The following UST variants were observed in gnomAD, a reference collection of about 807,000 sequenced individuals.
The protein encoded by UST is uronyl 2-sulfotransferase, also known as chondroitin sulfate 2-O-sulfotransferase.
A neutral mutation model predicts 45.6 loss-of-function variants in UST; 21 were observed. The observed-to-expected ratio is 0.46, with a 90% CI of 0.33 to 0.66. UST has a LOEUF of 0.66. UST is among the 30% of genes least tolerant of loss of function. The pLI, the probability that UST is intolerant of heterozygous loss-of-function variation, is 0.02. For missense variants in UST, 463 were observed against 512.4 expected (o/e 0.90, Z 0.93); for synonymous variants, 215 against 200.6 (o/e 1.07, Z -0.61).
At chr6:149,058,554 A>G (rs1238238986) in intron 7 of UST, among the ~76,000 whole-genome samples, 1 of 152,194 alleles carries the variant, frequency 6.6e-6, no homozygotes, top group African/African-American at 2.4e-5. Context: ...AACTGCTGCA[A>G]TAGTATTTCT....
chr6:148,775,397 T>A (rs1476545518), intron 1 of UST, among the ~76,000 whole-genome samples: 1 of 152,150 alleles, frequency 6.6e-6, no homozygotes, highest in Non-Finnish European at 1.5e-5. Context: ...GGCAGTTTCC[T>A]TTTGCAGATT....
intron 1 of UST, among the ~76,000 whole-genome samples, chr6:148,797,781 G>C (rs1197882952): frequency 2.6e-5 from 4 of 152,174 alleles, no homozygotes; most frequent in Admixed American, 6.5e-5. Flanking sequence ...CAGACAAGAA[G>C]AACAATATGT....
At chr6:149,051,492 T>C (rs189898814) in intron 7 of UST, among the ~76,000 whole-genome samples, 113 of 152,382 alleles carry the variant, frequency 7.4e-4, no homozygotes, top group Admixed American at 1.2e-3. Flanking sequence ...AGGGGCATCA[T>C]TGGGTCTTTT....
intron 2 of UST, among the ~76,000 whole-genome samples, chr6:148,927,806 T>C (rs1313128705): frequency 1.3e-5 from 2 of 152,200 alleles, no homozygotes; most frequent in East Asian, 3.9e-4. Context: ...TCAAAGCAGC[T>C]CTAGATGGGG....
At chr6:149,029,774 A>T (rs1043931427) in intron 7 of UST, among the ~76,000 whole-genome samples, 11 of 151,534 alleles carry the variant, frequency 7.3e-5, no homozygotes, top group Admixed American at 7.2e-4. Flanking sequence ...CCAATTTGCT[A>T]TTGGTTCATT....
At chr6:148,955,167 A>G (rs1374858858) in intron 4 of UST, among the ~76,000 whole-genome samples, 2 of 152,196 alleles carry the variant, frequency 1.3e-5, no homozygotes, top group East Asian at 1.9e-4. Flanking sequence ...CAAAGGACCC[A>G]GGGCAGCAGG....
At chr6:148,747,791 G>C (rs1017071945) in intron 1 of UST, 114 bp downstream of exon 1, 31 of 1,342,416 alleles carry the variant, frequency 2.3e-5, no homozygotes, top group Non-Finnish European at 2.6e-5. Flanking sequence ...GCCGCCCCGG[G>C]TCTCTCCAGG....
At chr6:149,005,519 G>A (rs1781629357) in intron 5 of UST, 2 of 985,264 alleles carry the variant, frequency 2.0e-6, no homozygotes, top group Non-Finnish European at 2.4e-6. Context: ...GATAGAATTA[G>A]TAAAGTCTCC....
At chr6:149,055,832 T>C (rs1776554089) in intron 7 of UST, among the ~76,000 whole-genome samples, 3 of 152,160 alleles carry the variant, frequency 2.0e-5, no homozygotes, top group Admixed American at 2.0e-4. Flanking sequence ...GTCCCTTCTC[T>C]TCCATCTGAC....
At chr6:149,010,913 A>AAAAAGAAAAAAAAAAAAC (rs1554234082) in intron 5 of UST, among the ~76,000 whole-genome samples, 1 of 92,968 alleles carries the variant, frequency 1.1e-5, no homozygotes, top group Admixed American at 1.3e-4. Context: ...AAAAAAAAAA[A>AAAAAGAAAAAAAAAAAAC]AAAAAACTGT....
intron 1 of UST, among the ~76,000 whole-genome samples, chr6:148,760,843 G>A (rs1776204166): frequency 6.6e-6 from 1 of 152,138 alleles, no homozygotes; most frequent in African/African-American, 2.4e-5. Flanking sequence ...AGATAAATGG[G>A]CAGAGTACAG....
chr6:148,773,617 G>C (rs1200938668), intron 1 of UST, among the ~76,000 whole-genome samples: 1 of 152,118 alleles, frequency 6.6e-6, no homozygotes, highest in Non-Finnish European at 1.5e-5. Flanking sequence ...TTAGTACACA[G>C]GGAAAGGTAA....
At chr6:148,950,195 C>G (rs1243702082) in intron 3 of UST, among the ~76,000 whole-genome samples, 2 of 152,174 alleles carry the variant, frequency 1.3e-5, no homozygotes, top group Admixed American at 1.3e-4. Flanking sequence ...GCACCCCTTC[C>G]CCCAGAGTTC....
chr6:148,983,840 G>A (rs1781184793), intron 5 of UST, among the ~76,000 whole-genome samples: 1 of 152,174 alleles, frequency 6.6e-6, no homozygotes, highest in Non-Finnish European at 1.5e-5. Flanking sequence ...AGAAAAGGAG[G>A]ACGTAGTCTT....
chr6:148,869,352 A>G (rs1778506947), intron 1 of UST, among the ~76,000 whole-genome samples: 1 of 152,174 alleles, frequency 6.6e-6, no homozygotes, highest in Non-Finnish European at 1.5e-5. Context: ...TAGAGAGATG[A>G]TAGGAAAAGG....
chr6:148,989,667 C>T (rs1223089977), intron 5 of UST, among the ~76,000 whole-genome samples: 1 of 152,162 alleles, frequency 6.6e-6, no homozygotes, highest in African/African-American at 2.4e-5. Flanking sequence ...TAAATTAAGG[C>T]AATCACATTC....
intron 1 of UST, among the ~76,000 whole-genome samples, chr6:148,784,810 G>T (rs985226232): frequency 2.0e-5 from 3 of 152,248 alleles, no homozygotes; most frequent in Non-Finnish European, 4.4e-5. Flanking sequence ...GCTGCATTTT[G>T]TTTCAAGGCA....
intron 4 of UST, among the ~76,000 whole-genome samples, chr6:148,960,420 C>G (rs1326641257): frequency 6.6e-6 from 1 of 152,226 alleles, no homozygotes; most frequent in African/African-American, 2.4e-5. Context: ...GATCAAGGGT[C>G]AAAGCCCTGG....
chr6:148,758,299 C>T (rs1776135166), intron 1 of UST, among the ~76,000 whole-genome samples: 1 of 152,220 alleles, frequency 6.6e-6, no homozygotes, highest in Non-Finnish European at 1.5e-5. Context: ...TGTACCCCTT[C>T]CTGCTTCTTC....
Sources: allele counts gnomAD v4.1 joint callset (sites outside exome capture counted in the v4.1 genomes callset), GRCh38; gene constraint gnomAD v4.1.1; transcripts MANE v1.5; gene names NCBI Gene and HGNC (gene_info 2026-07-23, HGNC 2026-07-21).